GFOD1: variants seen among roughly 807,000 people sequenced by gnomAD.
The protein encoded by GFOD1 is glucose-fructose oxidoreductase domain-containing protein 1.
GFOD1 carries 9 observed loss-of-function variants against 25.4 expected under a neutral mutation model. The observed-to-expected ratio is 0.35, with a 90% CI of 0.21 to 0.62. The LOEUF (loss-of-function observed/expected upper bound fraction) is 0.62. GFOD1 is among the 20% of genes least tolerant of loss of function. The pLI is 0.72. For synonymous variants in GFOD1, 253 were observed against 245.6 expected (o/e 1.03, Z -0.28); for missense variants, 403 against 556.9 (o/e 0.72, Z 2.78).
chr6:13,403,455 C>T (rs768670238), intron 1 of GFOD1, among the ~76,000 whole-genome samples: 33 of 152,176 alleles, frequency 2.2e-4, no homozygotes, highest in Non-Finnish European at 4.1e-4. Context: ...GCTTACCATA[C>T]ACCTAGGCTA....
chr6:13,392,347 A>G lies in GFOD1; in HGVS notation c.254-26685T>C, dbSNP rs958958057. Among the ~76,000 whole-genome samples the G allele has an allele frequency of 1.6e-4, 24 of 149,832 alleles. 1 individual carries two copies. The highest frequency in any genetic ancestry group is 2.1e-4 in the South Asian group (1 of 4,816). On this transcript the variant is annotated intron_variant, in intron 1 of 1. Transcript: ENST00000379287. ...TGACAAAGCCAGACCCTATCTCAAA[A>G]AAAAAAAAAAAAAAAAGAAAAGAGA...
intron 1 of GFOD1, chr6:13,407,966 C>A: frequency 1.0e-6 from 1 of 985,472 alleles, no homozygotes; most frequent in Non-Finnish European, 1.2e-6. Flanking sequence ...CACAGAATAT[C>A]TCTTCTTGGG....
chr6:13,463,695 A>G (rs1398187341), intron 1 of GFOD1, among the ~76,000 whole-genome samples: 2 of 152,220 alleles, frequency 1.3e-5, no homozygotes, highest in Non-Finnish European at 2.9e-5. Flanking sequence ...AAACAAGGGT[A>G]AGCATCATGT....
Position 13,487,411 on chromosome 6 carries a change from G to C in GFOD1, c.-521C>G, listed in dbSNP as rs913341219. ...GAGTCTCCTTTCTTCCTAGCTCTCC[G>C]TTGGGAATGAAATAATCCCGCGGCC... On this transcript the variant is annotated 5_prime_UTR_variant, in exon 1 of 2. Coordinates refer to ENST00000379287, the MANE Select transcript of GFOD1 (RefSeq NM_018988.4). This position sits in a 1 kb window ranked among gnomAD's most constrained non-coding sequence, Gnocchi z 4.9. The C allele has an allele frequency of 2.0e-5, 3 of 152,584 alleles. No homozygotes were observed. The highest frequency in any genetic ancestry group is 6.5e-5 in the Admixed American group (1 of 15,276). The allele number at this position is 152,584 out of a possible 1,614,324, so 9.5% of individuals were successfully genotyped here.
chr6:13,426,683 G>A (rs1318534903), intron 1 of GFOD1, among the ~76,000 whole-genome samples: 1 of 152,210 alleles, frequency 6.6e-6, no homozygotes, highest in Non-Finnish European at 1.5e-5. Context: ...TGAGGATGCG[G>A]AAGCAGAGTG....
intron 1 of GFOD1, among the ~76,000 whole-genome samples, chr6:13,446,336 G>A (rs1021196535): frequency 6.6e-6 from 1 of 152,170 alleles, no homozygotes; most frequent in African/African-American, 2.4e-5. Context: ...GGCTGCCCCA[G>A]GAGAATGAGG....
At chr6:13,471,264 C>T (rs939107395) in intron 1 of GFOD1, among the ~76,000 whole-genome samples, 7 of 152,152 alleles carry the variant, frequency 4.6e-5, no homozygotes, top group Non-Finnish European at 7.4e-5. Flanking sequence ...TTCCCCTCAC[C>T]ACCTTCCTGG....
At chr6:13,377,839 C>T (rs1428454007) in intron 1 of GFOD1, among the ~76,000 whole-genome samples, 3 of 152,146 alleles carry the variant, frequency 2.0e-5, no homozygotes, top group East Asian at 1.9e-4. Context: ...CCAAAACTCT[C>T]TTTGTTTCTG....
At chr6:13,375,967 T>C (rs751691487) in intron 1 of GFOD1, among the ~76,000 whole-genome samples, 11 of 152,250 alleles carry the variant, frequency 7.2e-5, no homozygotes, top group East Asian at 1.9e-4. Context: ...AGATATGATA[T>C]TGGGGAGTCA....
At position 13,430,110 on chromosome 6, in the gene GFOD1, G is replaced by A. The variant is rs1467222993; in HGVS notation, c.253+56528C>T. On this transcript the variant is annotated intron_variant, in intron 1 of 1. Transcript: ENST00000379287. The surrounding 1 kb of genome is among the most constrained non-coding windows in gnomAD (Gnocchi z 4.1). ...GCTATAAAAGGTGATCACAGCTTCTGTGTAGCTGCACTCTGTAGGAATGCT... is the reference window on the plus strand; with the variant it reads ...GCTATAAAAGGTGATCACAGCTTCTATGTAGCTGCACTCTGTAGGAATGCT... 6.6e-6 allele frequency among the ~76,000 whole-genome samples: 1 copy of A among 152,168 alleles called. No homozygotes were observed. Among genetic ancestry groups the A allele is most frequent in the East Asian group, 1.9e-4 (1 of 5,198 alleles).
At chr6:13,425,518 C>G (rs1786336698) in intron 1 of GFOD1, among the ~76,000 whole-genome samples, 1 of 152,160 alleles carries the variant, frequency 6.6e-6, no homozygotes, top group African/African-American at 2.4e-5. Flanking sequence ...GCTCAAAAAT[C>G]TATTTGAAAA....
intron 1 of GFOD1, among the ~76,000 whole-genome samples, chr6:13,419,148 CCT>C (rs1786211973): frequency 6.6e-6 from 1 of 152,170 alleles, no homozygotes; most frequent in African/African-American, 2.4e-5. Context: ...CACTGCATTC[CCT>C]GTTGCTGAAA....
At chr6:13,417,492 C>G (rs1786182257) in intron 1 of GFOD1, among the ~76,000 whole-genome samples, 1 of 152,184 alleles carries the variant, frequency 6.6e-6, no homozygotes, top group South Asian at 2.1e-4. Context: ...TCCAAAAGAA[C>G]CTGACAATTG....
intron 1 of GFOD1, among the ~76,000 whole-genome samples, chr6:13,411,484 G>A (rs920301412): frequency 2.6e-5 from 4 of 151,942 alleles, no homozygotes; most frequent in African/African-American, 9.7e-5. Context: ...TAGAGTCGGG[G>A]TTTCACCATG....
chr6:13,384,400 T>A (rs1785425295), intron 1 of GFOD1, among the ~76,000 whole-genome samples: 1 of 152,212 alleles, frequency 6.6e-6, no homozygotes, highest in South Asian at 2.1e-4. Flanking sequence ...AGGAGCACCA[T>A]CAAGAAAATT....
rs1016409543 is a variant in GFOD1 at position 13,362,150 on chromosome 6, T to C, written c.*2593A>G. On this transcript the variant is annotated 3_prime_UTR_variant, in exon 2 of 2. Coordinates refer to ENST00000379287, the MANE Select transcript of GFOD1 (RefSeq NM_018988.4). The stretch of plus-strand genomic sequence containing the variant: ...TCCAATGTTTCCCCAAAAACTACTT[T>C]CCCAGGGAGCAATTTAGAAGAACCA... The C allele has an allele frequency of 6.6e-6, 1 of 152,130 alleles. No homozygotes were observed. The allele number at this position is 152,130 out of a possible 1,614,324, so 9.4% of individuals were successfully genotyped here. A position where few individuals can be genotyped will look rare whatever the true frequency, so the allele number is the denominator to read the frequency against.
At chr6:13,432,933 C>T (rs1757776662) in intron 1 of GFOD1, among the ~76,000 whole-genome samples, 1 of 152,210 alleles carries the variant, frequency 6.6e-6, no homozygotes, top group African/African-American at 2.4e-5. Flanking sequence ...CCAGCTTCCT[C>T]TCCTATATCT....
chr6:13,440,594 C>T (rs889511631), intron 1 of GFOD1, among the ~76,000 whole-genome samples: 7 of 152,318 alleles, frequency 4.6e-5, no homozygotes, highest in South Asian at 2.1e-4. Context: ...CACTCCTCAT[C>T]GCTAGAAAAC....
At chr6:13,445,079 C>G (rs1406763207) in intron 1 of GFOD1, among the ~76,000 whole-genome samples, 3 of 152,150 alleles carry the variant, frequency 2.0e-5, no homozygotes, top group African/African-American at 7.2e-5. Flanking sequence ...CAGTAACACA[C>G]CAACTTCTGC....
Sources: allele counts gnomAD v4.1 joint callset (sites outside exome capture counted in the v4.1 genomes callset), GRCh38; gene constraint gnomAD v4.1.1; non-coding constraint Gnocchi (gnomAD v3.1); transcripts MANE v1.5; gene names NCBI Gene and HGNC (gene_info 2026-07-23, HGNC 2026-07-21).